CDKL4: variants seen among roughly 807,000 people sequenced by gnomAD.
CDKL4 encodes cyclin dependent kinase like 4.
A neutral mutation model predicts 42.0 loss-of-function variants in CDKL4; 44 were observed. The observed-to-expected ratio is 1.05, with a 90% CI of 0.82 to 1.35. The LOEUF (loss-of-function observed/expected upper bound fraction) is 1.35, where lower values mean the gene tolerates loss of function less well. Among genes scored for constraint, CDKL4 ranks in the 40% most tolerant of loss-of-function variants. The pLI, the probability that CDKL4 is intolerant of heterozygous loss-of-function variation, is 0.00. For missense variants in CDKL4, 393 were observed against 369.9 expected (o/e 1.06, Z -0.51); for synonymous variants, 120 against 121.6 (o/e 0.99, Z 0.09).
downstream of CDKL4, among the ~76,000 whole-genome samples, chr2:39,171,968 T>C (rs2148271253): frequency 1.3e-5 from 2 of 152,216 alleles, no homozygotes; most frequent in Middle Eastern, 6.8e-3. Context: ...CGGGATCAAG[T>C]AGGATTCTAT....
intron 1 of CDKL4, among the ~76,000 whole-genome samples, chr2:39,233,956 C>G (rs1267918871): frequency 6.9e-6 from 1 of 144,200 alleles, no homozygotes; most frequent in East Asian, 2.0e-4. Flanking sequence ...TTCTGTCACC[C>G]AGGCTGGAGT....
intron 8 of CDKL4, among the ~76,000 whole-genome samples, chr2:39,181,152 A>C (rs1326343452): frequency 6.6e-6 from 1 of 152,076 alleles, no homozygotes; most frequent in African/African-American, 2.4e-5. Flanking sequence ...CTCTCATCTC[A>C]ATAGTATTAG....
intron 4 of CDKL4, among the ~76,000 whole-genome samples, chr2:39,210,652 A>G (rs944662600): frequency 1.6e-4 from 24 of 152,354 alleles, no homozygotes; most frequent in Middle Eastern, 3.4e-3. Context: ...CTGGTTATAT[A>G]GGGATAAAGT....
chr2:39,182,881 C>T (rs562355126), intron 8 of CDKL4, among the ~76,000 whole-genome samples: 4 of 152,368 alleles, frequency 2.6e-5, no homozygotes, highest in African/African-American at 9.6e-5. Flanking sequence ...CTCTCCTTGA[C>T]TCTGCCATTG....
At chr2:39,213,870 C>T (rs1468737801) in intron 3 of CDKL4, among the ~76,000 whole-genome samples, 1 of 151,956 alleles carries the variant, frequency 6.6e-6, no homozygotes, top group East Asian at 1.9e-4. Context: ...CCTCTCTCTC[C>T]CTGTCTCTCT....
chr2:39,182,338 A>T (rs1675485808), intron 8 of CDKL4, among the ~76,000 whole-genome samples: 1 of 152,176 alleles, frequency 6.6e-6, no homozygotes. Flanking sequence ...AATCTAGTCC[A>T]TCACTAAATA....
chr2:39,190,805 G>C (rs1676139616), intron 5 of CDKL4, among the ~76,000 whole-genome samples: 2 of 152,160 alleles, frequency 1.3e-5, no homozygotes, highest in Non-Finnish European at 2.9e-5. Context: ...CGCATTGTTG[G>C]TTTCCACTTT....
chr2:39,179,668 T>C (rs923053155), intron 8 of CDKL4, among the ~76,000 whole-genome samples: 4 of 152,160 alleles, frequency 2.6e-5, no homozygotes, highest in Non-Finnish European at 5.9e-5. Flanking sequence ...TCGCAGGAAC[T>C]TCCTAGAAAT....
Position 39,241,272 on chromosome 2 carries a change from A to G in CDKL4, c.-57+2599T>C, listed in dbSNP as rs376128969. On this transcript the variant is annotated intron_variant, in intron 1 of 9. Transcript: ENST00000451199. ...AAATTAATATGCATGTGTTATATAC[A>G]CACTAAAAAGAAAACGATAAACAAC... Among the ~76,000 whole-genome samples the G allele has an allele frequency of 3.3e-4, 50 of 152,348 alleles. No homozygotes were observed. In the East Asian group the frequency reaches 6.6e-3, roughly 20 times the overall value.
chr2:39,216,783 G>C (rs2148360800), intron 3 of CDKL4, among the ~76,000 whole-genome samples: 1 of 152,154 alleles, frequency 6.6e-6, no homozygotes, highest in East Asian at 1.9e-4. Context: ...GGCTAGGATT[G>C]AGAAACTGCA....
chr2:39,202,437 T>G (rs573268602), intron 5 of CDKL4, among the ~76,000 whole-genome samples: 2 of 152,342 alleles, frequency 1.3e-5, no homozygotes, highest in Non-Finnish European at 1.5e-5. Flanking sequence ...TATTAATTCT[T>G]TATTAGGTAT....
At chr2:39,225,669 G>C (rs1678663231) in intron 3 of CDKL4, among the ~76,000 whole-genome samples, 170 bp downstream of exon 3, 2 of 152,050 alleles carry the variant, frequency 1.3e-5, no homozygotes, top group African/African-American at 4.8e-5. Flanking sequence ...AACTCCTATA[G>C]GTAAATCATT....
At chr2:39,211,040 T>C (rs1677555546) in intron 4 of CDKL4, among the ~76,000 whole-genome samples, 2 of 152,180 alleles carry the variant, frequency 1.3e-5, no homozygotes, top group African/African-American at 2.4e-5. Context: ...ACTGACCATA[T>C]GGTACTCTGT....
chr2:39,186,968 T>C (rs887396006), intron 7 of CDKL4, among the ~76,000 whole-genome samples: 3 of 152,204 alleles, frequency 2.0e-5, no homozygotes, highest in African/African-American at 4.8e-5. Flanking sequence ...AGTTTTTATA[T>C]AGTTTCTTCA....
At chr2:39,189,059 G>A (rs571912530) in intron 6 of CDKL4, among the ~76,000 whole-genome samples, 1 of 152,186 alleles carries the variant, frequency 6.6e-6, no homozygotes, top group Non-Finnish European at 1.5e-5. Context: ...TTTAGGGAAT[G>A]AATCAGACAA....
chr2:39,233,553 C>T (rs1045864446), intron 1 of CDKL4, among the ~76,000 whole-genome samples: 4 of 152,116 alleles, frequency 2.6e-5, no homozygotes, highest in Non-Finnish European at 5.9e-5. Context: ...ATGAAAGAAA[C>T]TGCATTTTAC....
At chr2:39,193,664 T>C (rs1243560285) in intron 5 of CDKL4, among the ~76,000 whole-genome samples, 1 of 152,194 alleles carries the variant, frequency 6.6e-6, no homozygotes, top group Non-Finnish European at 1.5e-5. Flanking sequence ...CATGAGCCAC[T>C]GTGCCTGGCC....
chr2:39,207,298 T>G (rs563318710), intron 4 of CDKL4, among the ~76,000 whole-genome samples: 154 of 152,232 alleles, frequency 1.0e-3, no homozygotes, highest in African/African-American at 3.5e-3. Context: ...GATGGGAGGA[T>G]GGCTTGTGCC....
At chr2:39,170,300 GAAAAGAAAAGA>G in the CDKL4 span, among the ~76,000 whole-genome samples, 52 of 103,870 alleles carry the variant, frequency 5.0e-4, no homozygotes, top group Non-Finnish European at 5.7e-4. Context: ...AAAAAAGAAA[GAAAAGAAAAGA>G]AAAGAAAAGA....
Sources: allele counts gnomAD v4.1 joint callset (sites outside exome capture counted in the v4.1 genomes callset), GRCh38; gene constraint gnomAD v4.1.1; transcripts MANE v1.5; gene names NCBI Gene and HGNC (gene_info 2026-07-23, HGNC 2026-07-21).